Variants in SCP2 observed in about 807,000 individuals in gnomAD.
SCP2 encodes the protein SCP-2/3-oxoacyl-CoA thiolase.
A neutral mutation model predicts 71.4 loss-of-function variants in SCP2; 48 were observed. The ratio of observed to expected loss-of-function variants is 0.67; its 90% CI spans 0.53 to 0.86. SCP2 has a LOEUF of 0.86. Ranked by LOEUF, SCP2 falls within the 40% of genes least tolerant of loss-of-function variation. The probability of loss-of-function intolerance (pLI) is 0.00; values close to 1 mark genes in which losing one functional copy is unlikely to be tolerated. For synonymous variants in SCP2, 220 were observed against 218.1 expected (o/e 1.01, Z -0.08); for missense variants, 560 against 655.6 (o/e 0.85, Z 1.59).
At chr1:53,041,753 C>A (rs1271783106) in intron 14 of SCP2, among the ~76,000 whole-genome samples, 1 of 152,140 alleles carries the variant, frequency 6.6e-6, no homozygotes, top group East Asian at 1.9e-4. Context: ...GCGTGTCTAT[C>A]AAAGATGGTG....
At chr1:52,989,620 T>G (rs78696216) in intron 11 of SCP2, among the ~76,000 whole-genome samples, 5,647 of 152,258 alleles carry the variant, frequency 0.037, 210 homozygotes, top group East Asian at 0.2. Context: ...AGTGTCCTGG[T>G]AAACCCCACT....
intron 9 of SCP2, among the ~76,000 whole-genome samples, chr1:52,978,888 T>C (rs1362585569): frequency 6.6e-6 from 1 of 152,134 alleles, no homozygotes. Flanking sequence ...TGAACTTTCT[T>C]GACCCTCAGC....
chr1:52,976,713 A>G lies in SCP2; in HGVS notation c.618A>G (p.Leu206=). The G allele has an allele frequency of 6.4e-7, 1 of 1,563,352 alleles. No homozygotes were observed. Among genetic ancestry groups the G allele is most frequent in the African/African-American group, 1.4e-5 (1 of 73,744 alleles). Reference sequence around the variant, plus strand: ...CCCAGTTCCAAGATGAATACAGTTTAGATGAAGTGATGGCATCTAAAGAAG... The same window carrying G: ...CCCAGTTCCAAGATGAATACAGTTTGGATGAAGTGATGGCATCTAAAGAAG... ...PYSQFQDEYS[L]DEVMASKEVF... Residue 206 remains leucine, a synonymous_variant, in exon 8 of 16, where the codon TTA becomes TTG. Coordinates refer to ENST00000371514, the MANE Select transcript of SCP2 (RefSeq NM_002979.5).
intron 5 of SCP2, among the ~76,000 whole-genome samples, chr1:52,955,564 G>A (rs1267178845): frequency 6.6e-6 from 1 of 152,132 alleles, no homozygotes; most frequent in African/African-American, 2.4e-5. Context: ...ACCTTTCATT[G>A]AGTTAATAAA....
chr1:53,014,833 T>A, intron 11 of SCP2, 57 bp from the exon 12 acceptor site: 1 of 1,598,124 alleles, frequency 6.3e-7, no homozygotes. Flanking sequence ...AAACATCCCT[T>A]TTCTGGCTTG....
At chr1:53,017,457 C>T (rs918679978) in intron 12 of SCP2, among the ~76,000 whole-genome samples, 1 of 152,176 alleles carries the variant, frequency 6.6e-6, no homozygotes, top group African/African-American at 2.4e-5. Context: ...AATCAAAAAG[C>T]CTTTGAGTCT....
At chr1:52,928,502 C>T (rs1413331333) in intron 1 of SCP2, among the ~76,000 whole-genome samples, 6 of 152,302 alleles carry the variant, frequency 3.9e-5, no homozygotes, top group Non-Finnish European at 7.3e-5. Context: ...GTAAATAGGC[C>T]GGGGCCGGTG....
intron 12 of SCP2, among the ~76,000 whole-genome samples, chr1:53,019,681 C>T (rs1168883244): frequency 6.6e-6 from 1 of 152,126 alleles, no homozygotes; most frequent in Non-Finnish European, 1.5e-5. Flanking sequence ...TCAGCAAGCG[C>T]AGTAGCACAC....
At chr1:53,045,706 G>A (rs1572236944) in intron 14 of SCP2, among the ~76,000 whole-genome samples, 1 of 152,064 alleles carries the variant, frequency 6.6e-6, no homozygotes, top group South Asian at 2.1e-4. Flanking sequence ...GTTAATTGAT[G>A]TACAATTAAC....
At chr1:53,048,434 G>C (rs181925033) in intron 15 of SCP2, 3 of 190,922 alleles carry the variant, frequency 1.6e-5, no homozygotes, top group Non-Finnish European at 3.4e-5. Flanking sequence ...CAAATGACTT[G>C]TCTTTCAAAA....
At position 52,927,689 on chromosome 1, in the gene SCP2, G is replaced by T. The variant is rs141876902; in HGVS notation, c.69+224G>T. 1.9e-3 allele frequency among the ~76,000 whole-genome samples: 283 copies of T among 152,298 alleles called. 6 individuals are homozygous for T. The East Asian group carries it at 0.052, about 28-fold the overall frequency. ...CCCTTTTCTTCTGGTCAGAGTTCAT[G>T]AAGCAGCCCCGAGATAATCCAAGGA... On this transcript the variant is annotated intron_variant, in intron 1 of 15. Transcript: ENST00000371514.
At chr1:52,959,478 C>T (rs1156563940) in intron 5 of SCP2, among the ~76,000 whole-genome samples, 2 of 152,084 alleles carry the variant, frequency 1.3e-5, no homozygotes, top group Admixed American at 1.3e-4. Flanking sequence ...AGGCATGAGC[C>T]ACCGCGCCCA....
At chr1:53,046,046 C>G (rs1189299859) in intron 14 of SCP2, among the ~76,000 whole-genome samples, 1 of 152,174 alleles carries the variant, frequency 6.6e-6, no homozygotes, top group Non-Finnish European at 1.5e-5. Flanking sequence ...AATGGTTACC[C>G]CTTCACCAGT....
chr1:53,015,071 CAGTT>C, intron 12 of SCP2, 28 bp downstream of exon 12: 1 of 1,608,380 alleles, frequency 6.2e-7, no homozygotes. Context: ...TTTTGTGTGT[CAGTT>C]AATCCTTCTG....
At chr1:52,957,473 A>AAAAAC (rs764117377) in intron 5 of SCP2, among the ~76,000 whole-genome samples, 2 of 152,236 alleles carry the variant, frequency 1.3e-5, no homozygotes, top group African/African-American at 4.8e-5. Flanking sequence ...GCTCTGCCAA[A>AAAAAC]AAAACAAAAC....
At chr1:52,992,763 T>C (rs2150195395) in intron 11 of SCP2, among the ~76,000 whole-genome samples, 1 of 152,320 alleles carries the variant, frequency 6.6e-6, no homozygotes. Flanking sequence ...GACATTGAAA[T>C]GTTTAAAGAT....
intron 3 of SCP2, among the ~76,000 whole-genome samples, chr1:52,949,798 A>G (rs1655129163): frequency 6.6e-6 from 1 of 152,260 alleles, no homozygotes; most frequent in Admixed American, 6.5e-5. Context: ...GTGGGAGCTA[A>G]GAATGTAAAG....
At chr1:52,990,512 C>A (rs1302169065) in intron 11 of SCP2, among the ~76,000 whole-genome samples, 2 of 151,784 alleles carry the variant, frequency 1.3e-5, no homozygotes, top group Non-Finnish European at 2.9e-5. Context: ...GACAACCAGG[C>A]ACGGTGGGTC....
intron 6 of SCP2, among the ~76,000 whole-genome samples, chr1:52,967,687 G>C (rs1425486251): frequency 6.6e-6 from 1 of 152,094 alleles, no homozygotes; most frequent in Non-Finnish European, 1.5e-5. Context: ...GGGTCAGGGG[G>C]CTCCTTGCTT....
Sources: gnomAD v4.1 joint callset for allele counts (sites outside exome capture counted in the v4.1 genomes callset) on GRCh38, gnomAD v4.1.1 for gene constraint, MANE v1.5 for transcripts, NCBI Gene and HGNC (gene_info 2026-07-23, HGNC 2026-07-21) for gene names.